Variants in ANO3 observed in about 807,000 individuals in gnomAD.
ANO3 encodes anoctamin 3.
ANO3 carries 99 observed loss-of-function variants against 144.8 expected under a neutral mutation model. The ratio of observed to expected loss-of-function variants is 0.68; its 90% CI spans 0.58 to 0.81. The LOEUF is 0.81. Among genes scored for constraint, ANO3 ranks in the 30% least tolerant of loss-of-function variants. The probability of loss-of-function intolerance (pLI) is 0.00; values close to 1 mark genes in which losing one functional copy is unlikely to be tolerated. For missense variants in ANO3, 905 were observed against 1,202.2 expected (o/e 0.75, Z 3.66); for synonymous variants, 414 against 392.6 (o/e 1.05, Z -0.64).
intron 1 of ANO3, among the ~76,000 whole-genome samples, chr11:26,346,781 A>G (rs575094032): frequency 1.3e-5 from 2 of 152,302 alleles, no homozygotes; most frequent in Admixed American, 6.5e-5. Context: ...ATTTTCGTCA[A>G]TACTCATGGT....
chr11:26,588,131 A>C (rs1433620060), intron 14 of ANO3, among the ~76,000 whole-genome samples: 1 of 152,052 alleles, frequency 6.6e-6, no homozygotes, highest in Non-Finnish European at 1.5e-5. Flanking sequence ...AAATAAATGA[A>C]CTTGTATAAC....
chr11:26,617,016 C>T (rs1021153042), intron 17 of ANO3, among the ~76,000 whole-genome samples: 1 of 152,192 alleles, frequency 6.6e-6, no homozygotes, highest in Non-Finnish European at 1.5e-5. Context: ...CATGATCCAC[C>T]TGCCTCAGCC....
intron 3 of ANO3, among the ~76,000 whole-genome samples, chr11:26,451,839 G>A (rs1376666992): frequency 2.6e-5 from 4 of 152,192 alleles, no homozygotes; most frequent in Admixed American, 6.5e-5. Flanking sequence ...ACACCCCCTA[G>A]TAGGGGCAGA....
chr11:26,394,570 C>CTTTTT lies in ANO3; in HGVS notation c.47-47333_47-47329dup, dbSNP rs56118844. On this transcript the variant is annotated intron_variant, in intron 1 of 26. Transcript: ENST00000256737. ...ACATTAAAAAAATTGATTTCATTTT[C>CTTTTT]TTTTTTTTTTTTTTTTTTTGTTTGG... Among the ~76,000 whole-genome samples, 574 of 115,300 alleles carry CTTTTT rather than the reference C, an allele frequency of 5.0e-3. 1 individual carries two copies. Among genetic ancestry groups the CTTTTT allele is most frequent in the East Asian group, 5.8e-3 (22 of 3,804 alleles). The allele number at this position is 115,300 out of a possible 152,430, so 75.6% of individuals were successfully genotyped here.
chr11:26,372,866 T>G (rs1230725669), intron 1 of ANO3, among the ~76,000 whole-genome samples: 1 of 152,172 alleles, frequency 6.6e-6, no homozygotes, highest in Non-Finnish European at 1.5e-5. Context: ...AACATTTATA[T>G]TCATATTATA....
chr11:26,418,337 G>A (rs567620078), intron 1 of ANO3, among the ~76,000 whole-genome samples: 2 of 152,144 alleles, frequency 1.3e-5, no homozygotes, highest in East Asian at 3.9e-4. Context: ...AGTGTGGCTG[G>A]AAGAGACTGG....
intron 6 of ANO3, 129 bp from the exon 7 acceptor site, chr11:26,525,506 A>C (rs1849139230): frequency 2.9e-6 from 2 of 691,652 alleles, no homozygotes; most frequent in Admixed American, 3.1e-5. Context: ...GTTATTTCAA[A>C]CATCTTAAGT....
upstream of ANO3, among the ~76,000 whole-genome samples, chr11:26,327,450 T>C (rs1463060037): frequency 1.3e-5 from 2 of 152,194 alleles, no homozygotes; most frequent in African/African-American, 4.8e-5. Flanking sequence ...TATATCTTCA[T>C]ACAAGAAATG....
intron 14 of ANO3, among the ~76,000 whole-genome samples, chr11:26,585,288 T>C (rs1422864512): frequency 6.6e-6 from 1 of 152,198 alleles, no homozygotes; most frequent in East Asian, 1.9e-4. Flanking sequence ...ATATCATATA[T>C]ATATAGGCAT....
intron 3 of ANO3, among the ~76,000 whole-genome samples, chr11:26,451,391 G>A (rs879671084): frequency 4.4e-4 from 67 of 152,176 alleles, no homozygotes; most frequent in African/African-American, 1.5e-3. Context: ...CGAATACTGC[G>A]CTTTTCCGAC....
At chr11:26,208,582 A>G (rs1472010547) in intron 1 of ANO3, among the ~76,000 whole-genome samples, 1 of 152,086 alleles carries the variant, frequency 6.6e-6, no homozygotes, top group Admixed American at 6.5e-5. Context: ...AGGCTTTTGC[A>G]CTTTACTTGC....
At chr11:26,195,208 T>C (rs1851560855) in intron 1 of ANO3, among the ~76,000 whole-genome samples, 1 of 152,206 alleles carries the variant, frequency 6.6e-6, no homozygotes, top group African/African-American at 2.4e-5. Flanking sequence ...GGCATCACCA[T>C]GGTCTTAATG....
intron 1 of ANO3, among the ~76,000 whole-genome samples, chr11:26,332,964 T>C (rs1362195536): frequency 6.6e-6 from 1 of 152,192 alleles, no homozygotes; most frequent in Non-Finnish European, 1.5e-5. Context: ...CAAGAATCTG[T>C]ATGTTCAAGT....
Position 26,661,600 on chromosome 11 carries a change from T to C in ANO3, c.*1156T>C, listed in dbSNP as rs767548058. 5.9e-5 allele frequency: 9 copies of C among 152,364 alleles called. No homozygotes were observed. Among genetic ancestry groups the C allele is most frequent in the Non-Finnish European group, 1.2e-4 (8 of 68,038 alleles). The allele number at this position is 152,364 out of a possible 1,614,324, so 9.4% of individuals were successfully genotyped here. On this transcript the variant is annotated 3_prime_UTR_variant, in exon 27 of 27. Transcript: ENST00000256737. ...AAACATTTGTGTTTTAGTTTCTTTTTTCATGACTGAAGGGAGTTTTATGTT... is the reference window on the plus strand; with the variant it reads ...AAACATTTGTGTTTTAGTTTCTTTTCTCATGACTGAAGGGAGTTTTATGTT...
chr11:26,366,188 C>T (rs1279475959), intron 1 of ANO3, among the ~76,000 whole-genome samples: 2 of 151,898 alleles, frequency 1.3e-5, no homozygotes, highest in African/African-American at 2.4e-5. Context: ...TGTTCCCCCT[C>T]CTATGTCCAA....
chr11:26,477,136 A>C (rs1860014985), intron 4 of ANO3, among the ~76,000 whole-genome samples: 2 of 152,158 alleles, frequency 1.3e-5, no homozygotes, highest in Admixed American at 1.3e-4. Context: ...AGATGCGTGC[A>C]TTCCAGGTAC....
intron 1 of ANO3, among the ~76,000 whole-genome samples, chr11:26,234,228 C>T (rs1252580937): frequency 6.6e-6 from 1 of 152,098 alleles, no homozygotes; most frequent in African/African-American, 2.4e-5. Context: ...GAATGCTTAC[C>T]TCCTACTTTA....
chr11:26,441,544 G>T (rs7928517), intron 1 of ANO3, among the ~76,000 whole-genome samples: 149,090 of 152,278 alleles, frequency 0.98, 73,059 homozygotes, highest in East Asian at 1. Context: ...AATTTCAATG[G>T]TTATATATTA....
chr11:26,307,779 A>G (rs975770790), upstream of ANO3, among the ~76,000 whole-genome samples: 1 of 150,516 alleles, frequency 6.6e-6, no homozygotes, highest in Non-Finnish European at 1.5e-5. Flanking sequence ...GAAAAAGACA[A>G]AATTATTTAG....
Sources: allele counts gnomAD v4.1 joint callset (sites outside exome capture counted in the v4.1 genomes callset), GRCh38; gene constraint gnomAD v4.1.1; transcripts MANE v1.5; gene names NCBI Gene and HGNC (gene_info 2026-07-23, HGNC 2026-07-21).